CTNNA3: variants seen among roughly 807,000 people sequenced by gnomAD.
CTNNA3 encodes catenin alpha 3, also known as catenin alpha-3.
In CTNNA3, 76 loss-of-function variants were observed where a neutral mutation model predicts 95.7. The observed-to-expected ratio is 0.79, with a 90% CI of 0.66 to 0.96. The LOEUF (loss-of-function observed/expected upper bound fraction) is 0.96. Ranked by LOEUF, CTNNA3 falls within the 40% of genes least tolerant of loss-of-function variation. The pLI is 0.00. For synonymous variants in CTNNA3, 431 were observed against 374.4 expected (o/e 1.15, Z -1.74); for missense variants, 1,191 against 1,089.8 (o/e 1.09, Z -1.31).
chr10:66,011,606 G>A (rs1330201843), intron 15 of CTNNA3, among the ~76,000 whole-genome samples: 1 of 152,124 alleles, frequency 6.6e-6, no homozygotes, highest in Non-Finnish European at 1.5e-5. Flanking sequence ...AAATTGATGT[G>A]CATGCAAGAT....
chr10:67,031,816 C>A (rs1853747224), intron 7 of CTNNA3, among the ~76,000 whole-genome samples: 1 of 152,116 alleles, frequency 6.6e-6, no homozygotes, highest in Admixed American at 6.5e-5. Flanking sequence ...ATCATAAAAT[C>A]CTGAATCAAG....
chr10:66,737,535 C>A (rs1849183792), intron 9 of CTNNA3, among the ~76,000 whole-genome samples: 1 of 152,172 alleles, frequency 6.6e-6, no homozygotes, highest in Non-Finnish European at 1.5e-5. Flanking sequence ...AATGTCTTCA[C>A]ATAGAAATGA....
intron 7 of CTNNA3, among the ~76,000 whole-genome samples, chr10:66,904,485 AACAATG>A (rs1845898737): frequency 6.6e-6 from 1 of 152,192 alleles, no homozygotes; most frequent in South Asian, 2.1e-4. Context: ...AAACACCAAA[AACAATG>A]GCAACAAAAG....
chr10:67,151,574 G>T (rs1564926578), intron 7 of CTNNA3, among the ~76,000 whole-genome samples: 1 of 152,030 alleles, frequency 6.6e-6, no homozygotes. Context: ...TTTTCACCCT[G>T]GAAAATAAGT....
intron 7 of CTNNA3, among the ~76,000 whole-genome samples, chr10:67,137,133 G>A (rs1564916266): frequency 6.6e-6 from 1 of 152,136 alleles, no homozygotes; most frequent in Non-Finnish European, 1.5e-5. Context: ...AGGTCAACAG[G>A]CCTACAGCAG....
intron 10 of CTNNA3, among the ~76,000 whole-genome samples, chr10:66,534,887 G>GA (rs112256315): frequency 0.072 from 10,837 of 151,198 alleles, 1,212 homozygotes; most frequent in African/African-American, 0.24. Flanking sequence ...TCTGGAAATG[G>GA]AAAAAAAAGC....
At chr10:66,270,849 G>A (rs2132129642) in intron 13 of CTNNA3, among the ~76,000 whole-genome samples, 1 of 152,266 alleles carries the variant, frequency 6.6e-6, no homozygotes, top group East Asian at 1.9e-4. Context: ...GAGGAATTAG[G>A]GGAACAGCCA....
At chr10:66,608,656 C>CA (rs1007574770) in intron 10 of CTNNA3, among the ~76,000 whole-genome samples, 35 of 150,644 alleles carry the variant, frequency 2.3e-4, no homozygotes, top group Middle Eastern at 3.4e-3. Flanking sequence ...ATCTGATCTT[C>CA]AAAAAAAAAC....
chr10:66,476,696 A>G (rs1488236375), intron 11 of CTNNA3, among the ~76,000 whole-genome samples: 1 of 152,122 alleles, frequency 6.6e-6, no homozygotes, highest in African/African-American at 2.4e-5. Flanking sequence ...AATGTTATAT[A>G]AAACCTCTCT....
chr10:67,319,338 T>C (rs1438466343), intron 5 of CTNNA3, among the ~76,000 whole-genome samples: 4 of 152,104 alleles, frequency 2.6e-5, no homozygotes, highest in Non-Finnish European at 4.4e-5. Context: ...AGTAAAACCA[T>C]ATACAAGTCC....
chr10:66,193,344 T>G (rs2086783172), intron 13 of CTNNA3, among the ~76,000 whole-genome samples: 1 of 152,058 alleles, frequency 6.6e-6, no homozygotes, highest in African/African-American at 2.4e-5. Flanking sequence ...ACCATAAGAC[T>G]GTGGTGTTGT....
At chr10:67,642,494 G>T (rs1289264375) in intron 2 of CTNNA3, among the ~76,000 whole-genome samples, 2 of 152,146 alleles carry the variant, frequency 1.3e-5, no homozygotes, top group Non-Finnish European at 2.9e-5. Context: ...GAGGCAGGTG[G>T]ATCACCTGAG....
chr10:66,425,604 C>T (rs866388605), intron 11 of CTNNA3, among the ~76,000 whole-genome samples: 19 of 151,894 alleles, frequency 1.3e-4, no homozygotes, highest in African/African-American at 4.6e-4. Context: ...CTCCCAAGTT[C>T]TTTTTCCTAG....
intron 16 of CTNNA3, among the ~76,000 whole-genome samples, chr10:65,974,653 C>A (rs1252287335): frequency 6.6e-6 from 1 of 152,072 alleles, no homozygotes; most frequent in Admixed American, 6.6e-5. Flanking sequence ...ATGCTCACTA[C>A]CTGGGTGATT....
At chr10:66,219,641 A>C (rs2088796725) in intron 13 of CTNNA3, among the ~76,000 whole-genome samples, 1 of 151,802 alleles carries the variant, frequency 6.6e-6, no homozygotes. Context: ...TCTTTTTTGA[A>C]ACTGCACCTC....
chr10:66,582,005 A>C (rs1843205145), intron 10 of CTNNA3, among the ~76,000 whole-genome samples: 1 of 151,108 alleles, frequency 6.6e-6, no homozygotes, highest in South Asian at 2.1e-4. Flanking sequence ...TATTCCATTG[A>C]TCTACTTTTA....
chr10:67,219,970 A>T lies in CTNNA3; in HGVS notation c.580-100T>A. The T allele has an allele frequency of 8.5e-6, 8 of 937,780 alleles. No individual in the cohort carries two copies. The South Asian group carries it at 1.3e-4, about 15-fold the overall frequency. The allele number at this position is 937,780 out of a possible 1,614,324, so 58.1% of individuals were successfully genotyped here. A position where few individuals can be genotyped will look rare whatever the true frequency, so the allele number is the denominator to read the frequency against. Reference sequence around the variant, plus strand: ...TTTTGTAAGTATAAATGAAAAGATAATAGACATGAAGAAGTCAGCTATAAG... The same window carrying T: ...TTTTGTAAGTATAAATGAAAAGATATTAGACATGAAGAAGTCAGCTATAAG... On this transcript the variant is annotated intron_variant, in intron 5 of 17. Coordinates refer to ENST00000433211, the MANE Select transcript of CTNNA3 (RefSeq NM_013266.4).
chr10:66,042,193 T>C (rs2079707718), intron 15 of CTNNA3, among the ~76,000 whole-genome samples: 1 of 152,204 alleles, frequency 6.6e-6, no homozygotes. Flanking sequence ...TTTTTCTTGA[T>C]GACATCCGCT....
intron 14 of CTNNA3, among the ~76,000 whole-genome samples, chr10:66,072,443 T>TTTGTGTTTTG (rs2080459038): frequency 6.6e-6 from 1 of 150,924 alleles, no homozygotes; most frequent in African/African-American, 2.4e-5. Flanking sequence ...CATTTTCTTG[T>TTTGTGTTTTG]TTTTGTTTTG....
Sources: allele counts gnomAD v4.1 joint callset (sites outside exome capture counted in the v4.1 genomes callset), GRCh38; gene constraint gnomAD v4.1.1; transcripts MANE v1.5; gene names NCBI Gene and HGNC (gene_info 2026-07-23, HGNC 2026-07-21).